Variants in RBFOX1 observed in about 807,000 individuals in gnomAD.
RBFOX1 encodes RNA binding protein fox-1 homolog 1.
RBFOX1 carries 8 observed loss-of-function variants against 57.7 expected under a neutral mutation model. The ratio of observed to expected loss-of-function variants is 0.14; its 90% CI spans 0.08 to 0.25. RBFOX1 has a LOEUF of 0.25. RBFOX1 is among the 10% of genes least tolerant of loss of function. The pLI, the probability that RBFOX1 is intolerant of heterozygous loss-of-function variation, is 1.00. For synonymous variants in RBFOX1, 326 were observed against 222.4 expected, an observed-to-expected ratio of 1.47 and a Z score of -4.15; for missense variants, 611 against 548.5, an observed-to-expected ratio of 1.11 and a Z score of -1.14.
intron 2 of RBFOX1, among the ~76,000 whole-genome samples, chr16:6,498,900 C>G (rs1024308748): frequency 1.3e-5 from 2 of 152,166 alleles, no homozygotes; most frequent in East Asian, 1.9e-4. Flanking sequence ...CTGACACCAC[C>G]TTCTATAGGC....
intron 3 of RBFOX1, among the ~76,000 whole-genome samples, chr16:7,021,613 T>G (rs945890432): frequency 2.7e-5 from 4 of 146,802 alleles, no homozygotes; most frequent in South Asian, 2.1e-4. Context: ...TTTTATAAAA[T>G]ATAATATTTT....
At chr16:5,988,248 T>G (rs1275080207) in intron 4 of RBFOX1, among the ~76,000 whole-genome samples, 1 of 152,126 alleles carries the variant, frequency 6.6e-6, no homozygotes, top group Non-Finnish European at 1.5e-5. Context: ...CTAATATCCA[T>G]GATAAAGCAT....
At chr16:6,951,501 A>G (rs1049769517) in intron 3 of RBFOX1, among the ~76,000 whole-genome samples, 3 of 152,116 alleles carry the variant, frequency 2.0e-5, no homozygotes, top group East Asian at 1.9e-4. Flanking sequence ...GTGGTTTTTT[A>G]CTCATAAGTC....
intron 3 of RBFOX1, among the ~76,000 whole-genome samples, chr16:6,949,223 C>T (rs887580654): frequency 1.3e-5 from 2 of 151,936 alleles, no homozygotes; most frequent in South Asian, 4.2e-4. Context: ...GATATAGAAA[C>T]AAGCCTATAA....
chr16:5,668,142 A>T lies in RBFOX1; in HGVS notation c.318+69181A>T, dbSNP rs148130797. On this transcript the variant is annotated intron_variant, in intron 3 of 19. Transcript: ENST00000641259. ...CTAAAAATACAAAAATTAGCTAGGC[A>T]TGGTGGCATGTGCCCATAGTCCTAG... Among the ~76,000 whole-genome samples, 479 of 152,272 alleles carry T rather than the reference A, an allele frequency of 3.1e-3. 5 individuals carry two copies. The highest frequency in any genetic ancestry group is 9.2e-3 in the African/African-American group (384 of 41,570).
intron 2 of RBFOX1, among the ~76,000 whole-genome samples, chr16:6,585,152 T>A (rs1324255870): frequency 6.6e-6 from 1 of 152,140 alleles, no homozygotes; most frequent in Non-Finnish European, 1.5e-5. Flanking sequence ...AAGAAAAAAA[T>A]TATTCCAAGG....
intron 4 of RBFOX1, among the ~76,000 whole-genome samples, chr16:7,397,877 T>C (rs1317784234): frequency 6.6e-6 from 1 of 152,180 alleles, no homozygotes; most frequent in Non-Finnish European, 1.5e-5. Context: ...ACCTTAGTTT[T>C]CTCATCTGTA....
intron 4 of RBFOX1, among the ~76,000 whole-genome samples, chr16:5,953,770 T>G (rs2152279494): frequency 6.6e-6 from 1 of 151,934 alleles, no homozygotes; most frequent in South Asian, 2.1e-4. Context: ...GACATTTGAG[T>G]TGGTTTCACA....
At chr16:7,286,875 C>T (rs960197063) in intron 4 of RBFOX1, among the ~76,000 whole-genome samples, 2 of 151,954 alleles carry the variant, frequency 1.3e-5, no homozygotes, top group Non-Finnish European at 2.9e-5. Context: ...ATGATCCACC[C>T]GCCTCAGCCT....
At chr16:5,899,184 A>T (rs975998948) in intron 4 of RBFOX1, among the ~76,000 whole-genome samples, 5 of 149,432 alleles carry the variant, frequency 3.3e-5, no homozygotes, top group African/African-American at 1.2e-4. Context: ...CTGACTATCC[A>T]CTGTAGCAGG....
chr16:7,069,193 T>A (rs2056807530), intron 4 of RBFOX1, among the ~76,000 whole-genome samples: 1 of 152,152 alleles, frequency 6.6e-6, no homozygotes, highest in Non-Finnish European at 1.5e-5. Flanking sequence ...TTATTTATTT[T>A]TTAATTATTG....
At chr16:5,431,532 G>T (rs956920112) in intron 1 of RBFOX1, among the ~76,000 whole-genome samples, 1 of 151,982 alleles carries the variant, frequency 6.6e-6, no homozygotes, top group South Asian at 2.1e-4. Flanking sequence ...CCACCACCAT[G>T]CCCGGCTAGT....
chr16:7,659,815 A>T (rs563238623), intron 12 of RBFOX1, among the ~76,000 whole-genome samples: 2 of 151,458 alleles, frequency 1.3e-5, no homozygotes, highest in Admixed American at 1.3e-4. Flanking sequence ...AACATGATGA[A>T]TAAGTGGTCT....
intron 3 of RBFOX1, among the ~76,000 whole-genome samples, chr16:6,841,421 C>T (rs1043456218): frequency 6.6e-6 from 1 of 152,104 alleles, no homozygotes. Context: ...ATCCTGTTTT[C>T]CATAATTTTT....
rs892675662 is a variant in RBFOX1 at position 7,711,616 on chromosome 16, A to G, written c.*871A>G. On this transcript the variant is annotated 3_prime_UTR_variant, in exon 16 of 16. Coordinates refer to ENST00000550418, the MANE Select transcript of RBFOX1 (RefSeq NM_018723.4). ...GTTTCTATTTTTTTCTTTTTTTCCA[A>G]AAAAAGAAAGTAATAAAAACTTAAA... 3 of 152,558 alleles carry G rather than the reference A, an allele frequency of 2.0e-5. No individual in the cohort carries two copies. Among genetic ancestry groups the G allele is most frequent in the Non-Finnish European group, 2.9e-5 (2 of 68,006 alleles). The allele number at this position is 152,558 out of a possible 1,614,324, so 9.5% of individuals were successfully genotyped here.
At chr16:6,294,981 C>T (rs997808634) in intron 1 of RBFOX1, among the ~76,000 whole-genome samples, 15 of 152,066 alleles carry the variant, frequency 9.9e-5, no homozygotes, top group Admixed American at 6.6e-5. Flanking sequence ...CAGGAGGAAT[C>T]GGCATAGGAT....
At chr16:7,409,963 A>G (rs1474627617) in intron 4 of RBFOX1, among the ~76,000 whole-genome samples, 1 of 152,148 alleles carries the variant, frequency 6.6e-6, no homozygotes, top group African/African-American at 2.4e-5. Flanking sequence ...ACATTTCTCT[A>G]ACAGTGAGAC....
chr16:7,335,628 A>G (rs1170588373), intron 4 of RBFOX1, among the ~76,000 whole-genome samples: 1 of 150,126 alleles, frequency 6.7e-6, no homozygotes, highest in Non-Finnish European at 1.5e-5. Flanking sequence ...TTTACCAGTC[A>G]TTTGGTGTGC....
At chr16:6,845,372 AG>A (rs142203513) in intron 3 of RBFOX1, among the ~76,000 whole-genome samples, 12,146 of 151,982 alleles carry the variant, frequency 0.08, 621 homozygotes, top group Middle Eastern at 0.13. Flanking sequence ...TGTAAGGAAG[AG>A]GTCCAGTTTC....
Sources: allele counts gnomAD v4.1 joint callset (sites outside exome capture counted in the v4.1 genomes callset), GRCh38; gene constraint gnomAD v4.1.1; transcripts MANE v1.5; gene names NCBI Gene and HGNC (gene_info 2026-07-23, HGNC 2026-07-21).